MRC1: variants seen among roughly 807,000 people sequenced by gnomAD.
MRC1 encodes the protein macrophage mannose receptor 1.
In MRC1, 62 loss-of-function variants were observed where a neutral mutation model predicts 102.9. That is an observed-to-expected ratio of 0.60 (90% CI 0.49 to 0.74). The LOEUF is 0.74. Among genes scored for constraint, MRC1 ranks in the 30% least tolerant of loss-of-function variants. The pLI is 0.00. For synonymous variants in MRC1, 457 were observed against 298.4 expected, an observed-to-expected ratio of 1.53 and a Z score of -5.48; for missense variants, 1,237 against 862.8, an observed-to-expected ratio of 1.43 and a Z score of -5.43.
At chr10:17,876,543 C>G (rs1401866768) in intron 17 of MRC1, among the ~76,000 whole-genome samples, 1 of 152,126 alleles carries the variant, frequency 6.6e-6, no homozygotes, top group East Asian at 1.9e-4. Context: ...CCACTGTGCC[C>G]AGTCTCAGAA....
At chr10:17,901,446 C>T (rs1449863689) in intron 25 of MRC1, among the ~76,000 whole-genome samples, 6 of 152,178 alleles carry the variant, frequency 3.9e-5, no homozygotes, top group South Asian at 2.1e-4. Flanking sequence ...CCCAGCACTT[C>T]GGGAGGCCGA....
At chr10:17,827,455 C>A (rs549723073) in intron 2 of MRC1, 87 bp from the exon 3 acceptor site, 3 of 616,686 alleles carry the variant, frequency 4.9e-6, no homozygotes, top group South Asian at 1.4e-5. Context: ...AACAGTAAGA[C>A]CAATTCCTTC....
chr10:17,894,328 C>T lies in MRC1; in HGVS notation c.3250+16C>T, dbSNP rs1554843309. On this transcript the variant is annotated intron_variant, in intron 23 of 29. Coordinates refer to ENST00000569591, the MANE Select transcript of MRC1 (RefSeq NM_002438.4). The stretch of plus-strand genomic sequence containing the variant: ...ACACGATCCGGTAAGTTCTACCAAA[C>T]CTTACCTTCCTGAAAGAGCTGGGGT... 4.6e-6 allele frequency: 4 copies of T among 870,280 alleles called. No homozygotes were observed. Among genetic ancestry groups the T allele is most frequent in the East Asian group, 4.8e-5 (2 of 41,670 alleles). 53.9% of individuals were successfully genotyped at this position (870,280 alleles called of 1,614,324 possible).
chr10:17,857,865 G>A (rs923425027), intron 9 of MRC1, among the ~76,000 whole-genome samples: 34 of 152,264 alleles, frequency 2.2e-4, no homozygotes, highest in Non-Finnish European at 4.4e-4. Context: ...TGCTATCAGT[G>A]TGGGAAACCC....
chr10:17,891,097 A>G (rs1589193174), intron 22 of MRC1, among the ~76,000 whole-genome samples: 2 of 151,182 alleles, frequency 1.3e-5, no homozygotes, highest in Non-Finnish European at 2.9e-5. Flanking sequence ...CAGGGCTCCC[A>G]CTGATTCTGC....
intron 1 of MRC1, among the ~76,000 whole-genome samples, chr10:17,819,777 C>G (rs1158848014): frequency 6.6e-6 from 1 of 151,926 alleles, no homozygotes; most frequent in African/African-American, 2.4e-5. Flanking sequence ...ACCCCTGTCT[C>G]CAGTAAAAAT....
chr10:17,862,159 A>G lies in MRC1; in HGVS notation c.1634+657A>G, dbSNP rs1292965202. Among the ~76,000 whole-genome samples the G allele has an allele frequency of 3.3e-5, 5 of 152,344 alleles. No individual in the cohort carries two copies. The East Asian group carries it at 9.6e-4, about 29-fold the overall frequency. The stretch of plus-strand genomic sequence containing the variant: ...AACAAAATTATGGAGTTTTAGTACA[A>G]TAAGTTATATTTACTGGACTTTCGA... On this transcript the variant is annotated intron_variant, in intron 10 of 29. Coordinates refer to ENST00000569591, the MANE Select transcript of MRC1 (RefSeq NM_002438.4).
chr10:17,885,030 G>A (rs978354589), intron 21 of MRC1, among the ~76,000 whole-genome samples: 1 of 152,208 alleles, frequency 6.6e-6, no homozygotes. Context: ...TTGCACAAGT[G>A]TCTTCAGTGG....
intron 4 of MRC1, among the ~76,000 whole-genome samples, chr10:17,839,252 A>G (rs931115410): frequency 6.6e-6 from 1 of 152,224 alleles, no homozygotes; most frequent in Non-Finnish European, 1.5e-5. Context: ...GATGCCAAAC[A>G]TAGTAATTTA....
At chr10:17,849,267 A>G (rs992067458) in intron 6 of MRC1, among the ~76,000 whole-genome samples, 2 of 148,726 alleles carry the variant, frequency 1.3e-5, no homozygotes, top group African/African-American at 5.0e-5. Flanking sequence ...ACACCACCGC[A>G]CTCTGGCCTG....
intron 1 of MRC1, among the ~76,000 whole-genome samples, chr10:17,816,076 G>C (rs1366739047): frequency 2.0e-5 from 3 of 152,132 alleles, no homozygotes; most frequent in Non-Finnish European, 4.4e-5. Context: ...CGCCTGCCTT[G>C]GCCTCCTGTT....
At position 17,813,702 on chromosome 10, in the gene MRC1, T is replaced by TATATATA. The variant is rs1554837619; in HGVS notation, c.61+4176_61+4177insATATATA. Among the ~76,000 whole-genome samples, 139 of 92,766 alleles carry TATATATA rather than the reference T, an allele frequency of 1.5e-3. 1 individual carries two copies. The Middle Eastern group carries it at 0.048, about 32-fold the overall frequency. The allele number at this position is 92,766 out of a possible 152,430, so 60.9% of individuals were successfully genotyped here. On this transcript the variant is annotated intron_variant, in intron 1 of 29. Transcript: ENST00000569591. ...ACACATTATATATATATATATATAT[T>TATATATA]TTTTTTTTTTTTTGAGACAGGGTCT... is the stretch of plus-strand genomic sequence containing the variant.
chr10:17,866,142 A>C (rs1045318177), intron 11 of MRC1, among the ~76,000 whole-genome samples: 1 of 152,180 alleles, frequency 6.6e-6, no homozygotes, highest in Admixed American at 6.5e-5. Context: ...TAAAATCTCT[A>C]GTTGAGACGT....
rs1352256223 is a variant in MRC1, at chr10:17,873,785, A to G, written c.2346A>G (p.Gly782=). The change falls in exon 16 of 30, where the codon GGA becomes GGG. Residue 782 remains glycine (G), a splice_region_variant and synonymous_variant. Transcript: ENST00000569591. ...LNNWICQIQK[G]QTPKPEPTPA... is the part of the protein sequence containing the mutation. Reference sequence around the variant, plus strand: ...TTCTATTTTTCTCTTGTTTTACAGGACAAACACCAAAACCTGAGCCAACAC... The same window carrying G: ...TTCTATTTTTCTCTTGTTTTACAGGGCAAACACCAAAACCTGAGCCAACAC... 1 of 872,522 alleles carries G rather than the reference A, an allele frequency of 1.1e-6. No homozygotes were observed. The highest frequency in any genetic ancestry group is 1.6e-5 in the African/African-American group (1 of 61,322). The allele number at this position is 872,522 out of a possible 1,614,324, so 54.0% of individuals were successfully genotyped here. A position where few individuals can be genotyped will look rare whatever the true frequency, so the allele number is the denominator to read the frequency against.
chr10:17,879,259 C>G (rs1833480102), intron 18 of MRC1, among the ~76,000 whole-genome samples: 2 of 152,182 alleles, frequency 1.3e-5, no homozygotes, highest in African/African-American at 4.8e-5. Flanking sequence ...ATGCATAGGA[C>G]ACACCACATA....
intron 6 of MRC1, 55 bp from the exon 7 acceptor site, chr10:17,849,524 A>G: frequency 3.9e-6 from 3 of 763,456 alleles, no homozygotes; most frequent in Non-Finnish European, 7.3e-6. Context: ...AAATATTGTT[A>G]TAGTTTTAAT....
At position 17,833,709 on chromosome 10, in the gene MRC1, G is replaced by A. The variant is rs782266123; in HGVS notation, c.672G>A (p.Pro224=). The change falls in exon 4 of 30, where the codon CCG becomes CCA. Residue 224 remains proline (P), a synonymous_variant. Transcript: ENST00000569591. ...EGSESLWNKD[P]LTSVSYQINS... ...GTGAAAGCTTATGGAATAAAGACCCGCTGACCAGCGTTTCCTACCAGATAA... is the reference window on the plus strand; with the variant it reads ...GTGAAAGCTTATGGAATAAAGACCCACTGACCAGCGTTTCCTACCAGATAA... The A allele has an allele frequency of 1.3e-5, 10 of 780,758 alleles. No homozygotes were observed. The highest frequency in any genetic ancestry group is 6.8e-5 in the Admixed American group (4 of 58,982). The allele number at this position is 780,758 out of a possible 1,614,324, so 48.4% of individuals were successfully genotyped here.
chr10:17,838,354 T>G (rs1838700264), intron 4 of MRC1, among the ~76,000 whole-genome samples: 3 of 152,148 alleles, frequency 2.0e-5, no homozygotes, highest in African/African-American at 7.2e-5. Flanking sequence ...TGTTTTATCG[T>G]CTTCCCTTCT....
At chr10:17,898,798 AC>A (rs1425652124) in intron 24 of MRC1, among the ~76,000 whole-genome samples, 1 of 152,178 alleles carries the variant, frequency 6.6e-6, no homozygotes, top group Non-Finnish European at 1.5e-5. Context: ...GAGGCAGAAA[AC>A]TAAGAATGCT....
Sources: gnomAD v4.1 joint callset for allele counts (sites outside exome capture counted in the v4.1 genomes callset) on GRCh38, gnomAD v4.1.1 for gene constraint, MANE v1.5 for transcripts, NCBI Gene and HGNC (gene_info 2026-07-23, HGNC 2026-07-21) for gene names.